The following CTNND2 variants were observed in gnomAD, a reference collection of about 807,000 sequenced individuals.
The protein encoded by CTNND2 is catenin delta-2.
CTNND2 carries 22 observed loss-of-function variants against 144.4 expected under a neutral mutation model. The observed-to-expected ratio is 0.15, with a 90% CI of 0.11 to 0.22. The LOEUF is 0.22. CTNND2 is among the 10% of genes least tolerant of loss of function. CTNND2 has a pLI of 1.00. For synonymous variants in CTNND2, 751 were observed against 695.6 expected, an observed-to-expected ratio of 1.08 and a Z score of -1.25; for missense variants, 1,353 against 1,618.8, an observed-to-expected ratio of 0.84 and a Z score of 2.82.
At chr5:11,600,962 A>C (rs992089774) in intron 2 of CTNND2, among the ~76,000 whole-genome samples, 1 of 152,164 alleles carries the variant, frequency 6.6e-6, no homozygotes, top group African/African-American at 2.4e-5. Context: ...AACTAAATGA[A>C]ATGAATCCAA....
chr5:11,437,873 C>A (rs1230821539), intron 3 of CTNND2, among the ~76,000 whole-genome samples: 1 of 152,180 alleles, frequency 6.6e-6, no homozygotes, highest in Non-Finnish European at 1.5e-5. Context: ...GAAGAATATT[C>A]CACAAGCACC....
intron 3 of CTNND2, among the ~76,000 whole-genome samples, chr5:11,464,372 G>A (rs1162281897): frequency 6.6e-6 from 1 of 152,188 alleles, no homozygotes; most frequent in Non-Finnish European, 1.5e-5. Context: ...ATCACTGGGA[G>A]GAGAGAGTCC....
chr5:11,086,592 T>C (rs1338213131), intron 15 of CTNND2, among the ~76,000 whole-genome samples: 2 of 152,230 alleles, frequency 1.3e-5, no homozygotes, highest in Non-Finnish European at 1.5e-5. Flanking sequence ...GAGATGAACC[T>C]GAAGTAAATT....
At chr5:11,641,892 AG>A (rs1782082833) in intron 2 of CTNND2, among the ~76,000 whole-genome samples, 1 of 151,884 alleles carries the variant, frequency 6.6e-6, no homozygotes, top group Admixed American at 6.6e-5. Context: ...GGTTATTAAA[AG>A]GATTCTTTAG....
chr5:11,598,964 G>A lies in CTNND2; in HGVS notation c.175-33908C>T, dbSNP rs996670223. Among the ~76,000 whole-genome samples, 51 of 152,172 alleles carry A rather than the reference G, an allele frequency of 3.4e-4. 2 individuals carry two copies. The highest frequency in any genetic ancestry group is 4.1e-4 in the South Asian group (2 of 4,828). The stretch of plus-strand genomic sequence containing the variant: ...GAAACTCACAATTACGTCAGAAGGC[G>A]AAGGGGAAGCAAGGCATGCCTTACA... On this transcript the variant is annotated intron_variant, in intron 2 of 21. Coordinates refer to ENST00000304623, the MANE Select transcript of CTNND2 (RefSeq NM_001332.4).
chr5:11,037,307 T>C (rs1744190914), intron 16 of CTNND2, among the ~76,000 whole-genome samples: 1 of 152,214 alleles, frequency 6.6e-6, no homozygotes, highest in South Asian at 2.1e-4. Context: ...TTCTGATTTT[T>C]TGTCACACGA....
At chr5:11,890,283 T>C (rs937041887) in intron 1 of CTNND2, among the ~76,000 whole-genome samples, 1 of 152,008 alleles carries the variant, frequency 6.6e-6, no homozygotes, top group South Asian at 2.1e-4. Context: ...ATTTAACATA[T>C]CCTCCTGCCA....
chr5:11,476,984 C>T (rs1378339765), intron 3 of CTNND2, among the ~76,000 whole-genome samples: 1 of 152,116 alleles, frequency 6.6e-6, no homozygotes, highest in Non-Finnish European at 1.5e-5. Context: ...ACATAAAAAA[C>T]TGGGGATTCA....
At chr5:11,737,894 T>G (rs958644813) in intron 1 of CTNND2, among the ~76,000 whole-genome samples, 1 of 152,248 alleles carries the variant, frequency 6.6e-6, no homozygotes, top group Non-Finnish European at 1.5e-5. Context: ...AGAGGTGGCC[T>G]ACTGGCACCT....
chr5:11,034,061 T>C (rs976811889), intron 16 of CTNND2, among the ~76,000 whole-genome samples: 15 of 152,174 alleles, frequency 9.9e-5, no homozygotes, highest in African/African-American at 3.6e-4. Context: ...GTATCTAAGG[T>C]AAAAAGAGTT....
chr5:11,277,690 C>G (rs1318089833), intron 9 of CTNND2, among the ~76,000 whole-genome samples: 2 of 152,004 alleles, frequency 1.3e-5, no homozygotes, highest in Non-Finnish European at 2.9e-5. Context: ...TGCCACCACA[C>G]TTGGCTAATT....
At chr5:11,574,155 T>C (rs1777790635) in intron 2 of CTNND2, among the ~76,000 whole-genome samples, 1 of 152,072 alleles carries the variant, frequency 6.6e-6, no homozygotes, top group Non-Finnish European at 1.5e-5. Flanking sequence ...AAATGTTCCA[T>C]TAGTGATTAT....
At chr5:11,114,763 C>T (rs1319448109) in intron 13 of CTNND2, among the ~76,000 whole-genome samples, 1 of 152,146 alleles carries the variant, frequency 6.6e-6, no homozygotes, top group Admixed American at 6.5e-5. Flanking sequence ...AATCCACGCT[C>T]TTTTATGTAT....
At position 10,973,605 on chromosome 5, in the gene CTNND2, C is replaced by T. The variant is rs1449382391; in HGVS notation, c.3526G>A (p.Val1176Ile). 2 of 1,614,092 alleles carry T rather than the reference C, an allele frequency of 1.2e-6. No individual in the cohort carries two copies. Among genetic ancestry groups the T allele is most frequent in the Admixed American group, 3.3e-5 (2 of 60,014 alleles). The change falls in exon 22 of 22, where the codon GTC (valine) becomes ATC (isoleucine). Residue 1176 changes from valine to isoleucine, a missense_variant. This residue lies in a region of CTNND2 where 459 missense variants were observed against 674.3 expected (regional missense o/e 0.68). Coordinates refer to ENST00000304623, the MANE Select transcript of CTNND2 (RefSeq NM_001332.4). The surrounding 1 kb of genome is among the most constrained non-coding windows in gnomAD (Gnocchi z 5.6). ...TCGCTGGCGGGAGGGCGATGGTGGA[C>T]CTGGTCCTCGAAGAAGGACTCATCG... ...NYDESFFEDQ[V>I]HHRPPASEYT... is the part of the protein sequence containing the mutation.
chr5:11,325,497 C>T (rs1752436886), intron 9 of CTNND2, among the ~76,000 whole-genome samples: 1 of 152,094 alleles, frequency 6.6e-6, no homozygotes, highest in Non-Finnish European at 1.5e-5. Flanking sequence ...AAATACATCT[C>T]TTAATGAGTG....
intron 12 of CTNND2, among the ~76,000 whole-genome samples, chr5:11,147,420 C>T (rs1490041927): frequency 6.6e-6 from 1 of 152,100 alleles, no homozygotes; most frequent in Non-Finnish European, 1.5e-5. Flanking sequence ...TAGAAAAGAC[C>T]TCAACGTATA....
intron 9 of CTNND2, among the ~76,000 whole-genome samples, chr5:11,314,601 A>C (rs953276661): frequency 6.6e-6 from 1 of 152,206 alleles, no homozygotes; most frequent in Non-Finnish European, 1.5e-5. Context: ...TCCTAGGCTC[A>C]AGGGATCCTT....
At chr5:11,316,587 C>G (rs1751523078) in intron 9 of CTNND2, among the ~76,000 whole-genome samples, 1 of 151,312 alleles carries the variant, frequency 6.6e-6, no homozygotes, top group Non-Finnish European at 1.5e-5. Context: ...GTGTGCTGCA[C>G]CCATTAACTC....
Position 11,704,379 on chromosome 5 carries a change from A to G in CTNND2, c.174+27757T>C, listed in dbSNP as rs80233284. 2.9e-3 allele frequency among the ~76,000 whole-genome samples: 435 copies of G among 152,324 alleles called. 2 individuals carry two copies. Among genetic ancestry groups the G allele is most frequent in the African/African-American group, 9.5e-3 (395 of 41,580 alleles). ...ATACCATTTTTCACTTCGGTCAAGA[A>G]ACAGATGACAGAGAGTAGCAGATGG... On this transcript the variant is annotated intron_variant, in intron 2 of 21. Transcript: ENST00000304623.
Sources: gnomAD v4.1 joint callset for allele counts (sites outside exome capture counted in the v4.1 genomes callset) on GRCh38, gnomAD v4.1.1 for gene constraint, gnomAD v4.1.1 regional missense constraint, Gnocchi (gnomAD v3.1) non-coding constraint, MANE v1.5 for transcripts, NCBI Gene and HGNC (gene_info 2026-07-23, HGNC 2026-07-21) for gene names.